Variants in LRFN5 observed in about 807,000 individuals in gnomAD.
LRFN5 encodes the protein leucine-rich repeat and fibronectin type-III domain-containing protein 5.
In LRFN5, 24 loss-of-function variants were observed where a neutral mutation model predicts 45.6. That is an observed-to-expected ratio of 0.53 (90% confidence interval 0.38 to 0.74). The LOEUF (loss-of-function observed/expected upper bound fraction) is 0.74, where lower values mean the gene tolerates loss of function less well. Ranked by LOEUF, LRFN5 falls within the 30% of genes least tolerant of loss-of-function variation. The pLI is 0.00. For synonymous variants in LRFN5, 340 were observed against 313.8 expected (o/e 1.08, Z -0.88); for missense variants, 776 against 861.5 (o/e 0.90, Z 1.24).
At chr14:41,738,013 A>G (rs1884518907) in intron 1 of LRFN5, among the ~76,000 whole-genome samples, 1 of 152,196 alleles carries the variant, frequency 6.6e-6, no homozygotes, top group African/African-American at 2.4e-5. Context: ...TTCATGTGGA[A>G]CCAAAAAAGA....
Position 41,837,253 on chromosome 14 carries a change from G to C in LRFN5, c.-20-49353G>C, listed in dbSNP as rs1196221212. On this transcript the variant is annotated intron_variant, in intron 2 of 5. Transcript: ENST00000298119. ...TGAATAAATCTCAGTTAAATCAAGAGCATCAACAGTCAGGTTAGTGTTAGA... is the reference window on the plus strand; with the variant it reads ...TGAATAAATCTCAGTTAAATCAAGACCATCAACAGTCAGGTTAGTGTTAGA... Among the ~76,000 whole-genome samples, 4 of 142,294 alleles carry C rather than the reference G, an allele frequency of 2.8e-5. No individual in the cohort carries two copies. In the East Asian group the frequency reaches 8.1e-4, roughly 29 times the overall value. 93.4% of individuals were successfully genotyped at this position (142,294 alleles called of 152,430 possible). A position where few individuals can be genotyped will look rare whatever the true frequency, so the allele number is the denominator to read the frequency against.
intron 2 of LRFN5, among the ~76,000 whole-genome samples, chr14:41,819,959 G>GTT (rs71105404): frequency 0.43 from 63,184 of 147,664 alleles, 13,758 homozygotes; most frequent in Non-Finnish European, 0.47. Flanking sequence ...AGGGTTATTT[G>GTT]TTTTTTTTTT....
intron 2 of LRFN5, among the ~76,000 whole-genome samples, chr14:41,767,689 A>G (rs1885936684): frequency 6.6e-6 from 1 of 152,230 alleles, no homozygotes; most frequent in Admixed American, 6.5e-5. Context: ...AAAATGCATA[A>G]CACAATGTAC....
At chr14:41,729,055 C>T (rs1053529425) in intron 1 of LRFN5, among the ~76,000 whole-genome samples, 2 of 152,092 alleles carry the variant, frequency 1.3e-5, no homozygotes, top group African/African-American at 2.4e-5. Flanking sequence ...ACAATGAGCT[C>T]AGTTTTTGCA....
chr14:41,671,617 G>GTGTTTTTTTTTTT (rs1881224583), intron 1 of LRFN5, among the ~76,000 whole-genome samples: 1 of 78,020 alleles, frequency 1.3e-5, no homozygotes, highest in Admixed American at 1.8e-4. Context: ...TTTTTTTTTC[G>GTGTTTTTTTTTTT]TTTTTTTTTT....
At chr14:41,777,626 A>G (rs1886336948) in intron 2 of LRFN5, among the ~76,000 whole-genome samples, 2 of 151,948 alleles carry the variant, frequency 1.3e-5, no homozygotes, top group Non-Finnish European at 3.0e-5. Flanking sequence ...TTTTTTCATC[A>G]TCTAATTGAG....
chr14:41,692,230 T>C (rs1882408753), intron 1 of LRFN5, among the ~76,000 whole-genome samples: 1 of 152,126 alleles, frequency 6.6e-6, no homozygotes, highest in African/African-American at 2.4e-5. Flanking sequence ...TCATTGCCAA[T>C]ATTTGTAACT....
rs1887575099 is a variant in LRFN5 at position 41,608,163 on chromosome 14, C to T, written c.-596C>T. 1 of 152,758 alleles carries T rather than the reference C, an allele frequency of 6.5e-6. No homozygotes were observed. The highest frequency in any genetic ancestry group is 1.5e-5 in the Non-Finnish European group (1 of 68,386). 9.5% of individuals were successfully genotyped at this position (152,758 alleles called of 1,614,324 possible). The stretch of plus-strand genomic sequence containing the variant: ...GCCAATCGTGAGAAGGACCGGTTCC[C>T]TCCGTGCTGCTTCCTCCCCGTGCAG... On this transcript the variant is annotated 5_prime_UTR_variant, in exon 1 of 6. Coordinates refer to ENST00000298119, the MANE Select transcript of LRFN5 (RefSeq NM_152447.5).
At chr14:41,743,943 A>G (rs1366030238) in intron 1 of LRFN5, among the ~76,000 whole-genome samples, 11 of 152,192 alleles carry the variant, frequency 7.2e-5, no homozygotes, top group Non-Finnish European at 1.5e-4. Context: ...AAAGGAGTAG[A>G]GATGTTGTAC....
chr14:41,873,384 GAGAGAGAA>G (rs1025416947), intron 2 of LRFN5, among the ~76,000 whole-genome samples: 1 of 148,002 alleles, frequency 6.8e-6, no homozygotes, highest in Admixed American at 6.9e-5. Context: ...TAAGACAGAA[GAGAGAGAA>G]AGAGAGAGGA....
chr14:41,774,956 C>T (rs1207312973), intron 2 of LRFN5, among the ~76,000 whole-genome samples: 1 of 152,070 alleles, frequency 6.6e-6, no homozygotes, highest in Non-Finnish European at 1.5e-5. Context: ...AACTAAACTT[C>T]CCTTTGGCCT....
At chr14:41,709,365 C>G (rs919771257) in intron 1 of LRFN5, among the ~76,000 whole-genome samples, 2 of 151,980 alleles carry the variant, frequency 1.3e-5, no homozygotes, top group South Asian at 4.1e-4. Context: ...CTAACCTGCT[C>G]TGTACATTTT....
chr14:41,659,152 A>G (rs1880514305), intron 1 of LRFN5, among the ~76,000 whole-genome samples: 1 of 152,010 alleles, frequency 6.6e-6, no homozygotes, highest in African/African-American at 2.4e-5. Flanking sequence ...TGCTGCACCC[A>G]TCAGCCCATC....
intron 4 of LRFN5, chr14:41,895,034 T>A (rs904745894): frequency 1.0e-6 from 1 of 984,374 alleles, no homozygotes; most frequent in African/African-American, 1.7e-5. Context: ...GCATTATAGT[T>A]TCAGCTTGTT....
intron 1 of LRFN5, among the ~76,000 whole-genome samples, chr14:41,712,770 T>C (rs1221948565): frequency 6.6e-6 from 1 of 152,156 alleles, no homozygotes. Flanking sequence ...TTTCCACTTT[T>C]GCTGCTCCTC....
At chr14:41,767,603 G>C (rs1885933355) in intron 2 of LRFN5, among the ~76,000 whole-genome samples, 1 of 151,928 alleles carries the variant, frequency 6.6e-6, no homozygotes, top group Non-Finnish European at 1.5e-5. Context: ...CTTTAAATGT[G>C]CATACTAGAA....
intron 1 of LRFN5, among the ~76,000 whole-genome samples, chr14:41,740,252 A>C (rs563042507): frequency 4.6e-5 from 7 of 152,032 alleles, no homozygotes; most frequent in Non-Finnish European, 2.9e-5. Flanking sequence ...AAAAGAAAAC[A>C]ACAGGCCAAA....
At chr14:41,694,210 TGTTA>T (rs1882501259) in intron 1 of LRFN5, among the ~76,000 whole-genome samples, 1 of 151,990 alleles carries the variant, frequency 6.6e-6, no homozygotes, top group Non-Finnish European at 1.5e-5. Flanking sequence ...AAATTTACTC[TGTTA>T]GTTATTCTGA....
chr14:41,725,678 A>C lies in LRFN5; in HGVS notation c.-196-41176A>C, dbSNP rs1883900914. Among the ~76,000 whole-genome samples, 4 of 152,178 alleles carry C rather than the reference A, an allele frequency of 2.6e-5. No individual in the cohort carries two copies. In the South Asian group the frequency reaches 6.2e-4, roughly 24 times the overall value. ...TTACTGTAAATTGCCACATATGTGTAATTATTACAGAGTGCTTCTGATCAA... is the reference window on the plus strand; with the variant it reads ...TTACTGTAAATTGCCACATATGTGTCATTATTACAGAGTGCTTCTGATCAA... On this transcript the variant is annotated intron_variant, in intron 1 of 5. Coordinates refer to ENST00000298119, the MANE Select transcript of LRFN5 (RefSeq NM_152447.5).
Sources: gnomAD v4.1 joint callset for allele counts (sites outside exome capture counted in the v4.1 genomes callset) on GRCh38, gnomAD v4.1.1 for gene constraint, MANE v1.5 for transcripts, NCBI Gene and HGNC (gene_info 2026-07-23, HGNC 2026-07-21) for gene names.